PCTP: variants seen among roughly 807,000 people sequenced by gnomAD.
PCTP encodes the protein phosphatidylcholine transfer protein, also known as START domain-containing protein 2.
A neutral mutation model predicts 31.0 loss-of-function variants in PCTP; 27 were observed. The observed-to-expected ratio is 0.87, with a 90% CI of 0.64 to 1.20. The LOEUF is 1.20. Ranked by LOEUF, PCTP falls within the 50% of genes most tolerant of loss-of-function variation. The pLI, the probability that PCTP is intolerant of heterozygous loss-of-function variation, is 0.00. For missense variants in PCTP, 287 were observed against 268.2 expected, an observed-to-expected ratio of 1.07 and a Z score of -0.49; for synonymous variants, 108 against 101.2, an observed-to-expected ratio of 1.07 and a Z score of -0.40.
downstream of PCTP, among the ~76,000 whole-genome samples, chr17:55,845,053 C>CT: frequency 7.3e-6 from 1 of 136,244 alleles, no homozygotes; most frequent in Non-Finnish European, 1.5e-5. Flanking sequence ...CGCCATTGCA[C>CT]TCCAGCCTGG....
intron 3 of PCTP, among the ~76,000 whole-genome samples, chr17:55,809,976 G>C (rs1447862502): frequency 2.6e-5 from 4 of 152,116 alleles, no homozygotes; most frequent in Non-Finnish European, 5.9e-5. Context: ...TTACCTTCTA[G>C]TTGGTAGATA....
intron 2 of PCTP, 61 bp from the exon 3 acceptor site, chr17:55,771,045 C>A: frequency 1.5e-6 from 2 of 1,305,010 alleles, no homozygotes; most frequent in Non-Finnish European, 2.2e-6. Flanking sequence ...AGAGGTCATA[C>A]CCTTATTAGT....
chr17:55,821,080 A>G (rs1431000558), intron 3 of PCTP, among the ~76,000 whole-genome samples: 3 of 152,244 alleles, frequency 2.0e-5, no homozygotes, highest in African/African-American at 7.2e-5. Context: ...AGGTCAACAC[A>G]CAAACTTGTA....
intron 5 of PCTP, among the ~76,000 whole-genome samples, chr17:55,839,647 G>A (rs1015535225): frequency 4.2e-4 from 64 of 152,222 alleles, no homozygotes; most frequent in African/African-American, 1.5e-3. Context: ...CTGGCCGGGC[G>A]CGGTGGCTCA....
chr17:55,810,870 A>G (rs1277818890), intron 3 of PCTP, among the ~76,000 whole-genome samples: 1 of 152,220 alleles, frequency 6.6e-6, no homozygotes, highest in Non-Finnish European at 1.5e-5. Context: ...GACCAGGAGA[A>G]TAAAAGCAAG....
At chr17:55,754,131 C>T (rs958712552) in intron 1 of PCTP, among the ~76,000 whole-genome samples, 6 of 152,198 alleles carry the variant, frequency 3.9e-5, no homozygotes, top group Non-Finnish European at 8.8e-5. Context: ...AGGTGTCCTC[C>T]TGTTCAGTGT....
intron 3 of PCTP, among the ~76,000 whole-genome samples, chr17:55,788,892 T>C (rs1283367238): frequency 6.6e-6 from 1 of 152,172 alleles, no homozygotes; most frequent in Admixed American, 6.5e-5. Flanking sequence ...TTTATGAACT[T>C]CAGGATACCC....
At chr17:55,792,883 C>G (rs1301542510) in intron 3 of PCTP, among the ~76,000 whole-genome samples, 1 of 152,086 alleles carries the variant, frequency 6.6e-6, no homozygotes, top group Non-Finnish European at 1.5e-5. Context: ...CATACATTCC[C>G]TCTCTGACTC....
chr17:55,772,050 AT>A (rs528449075), intron 3 of PCTP, among the ~76,000 whole-genome samples: 26 of 152,316 alleles, frequency 1.7e-4, no homozygotes, highest in Middle Eastern at 3.4e-3. Context: ...TAATCACTAT[AT>A]CAAGATAATT....
rs1044766533 is a variant in PCTP at position 55,775,193 on chromosome 17, C to T, written c.579+334C>T. The T allele has an allele frequency of 8.8e-6, 11 of 1,256,028 alleles. No individual in the cohort carries two copies. In the African/African-American group the frequency reaches 1.5e-4, roughly 17 times the overall value. The allele number at this position is 1,256,028 out of a possible 1,614,324, so 77.8% of individuals were successfully genotyped here. ...TGCCTTTGGAGCCTATATTCCTCTG[C>T]TTACTGGGGAATAAGACAGACTGAC... On this transcript the variant is annotated intron_variant, in intron 5 of 5. Coordinates refer to ENST00000268896, the MANE Select transcript of PCTP (RefSeq NM_021213.4).
At chr17:55,793,081 C>T (rs951629101) in intron 3 of PCTP, among the ~76,000 whole-genome samples, 3 of 152,124 alleles carry the variant, frequency 2.0e-5, no homozygotes, top group Non-Finnish European at 4.4e-5. Flanking sequence ...TGTCCTGTGT[C>T]CCAACTCTCT....
At chr17:55,786,662 T>C (rs1338348410) in intron 2 of PCTP, among the ~76,000 whole-genome samples, 1 of 152,236 alleles carries the variant, frequency 6.6e-6, no homozygotes, top group Non-Finnish European at 1.5e-5. Flanking sequence ...TCTTTGGGTG[T>C]AAGTTCTATT....
downstream of PCTP, among the ~76,000 whole-genome samples, chr17:55,827,568 C>T (rs1905442125): frequency 6.6e-6 from 1 of 152,234 alleles, no homozygotes; most frequent in African/African-American, 2.4e-5. Flanking sequence ...AGACCTACTG[C>T]TCATAACCCA....
intron 1 of PCTP, chr17:55,751,581 C>G (rs954743463): frequency 3.1e-5 from 37 of 1,193,698 alleles, no homozygotes; most frequent in Non-Finnish European, 3.9e-5. Context: ...TTGATCCTCA[C>G]TCTCCAATGC....
chr17:55,847,229 A>C (rs1450643687), downstream of PCTP, among the ~76,000 whole-genome samples: 1 of 152,220 alleles, frequency 6.6e-6, no homozygotes, highest in Non-Finnish European at 1.5e-5. Flanking sequence ...TCTCTCTGTT[A>C]AATACTTCCA....
At chr17:55,833,482 G>A (rs111518196) in intron 5 of PCTP, among the ~76,000 whole-genome samples, 250 of 152,314 alleles carry the variant, frequency 1.6e-3, no homozygotes, top group African/African-American at 5.8e-3. Flanking sequence ...ACAAAGAAAA[G>A]TTTGTAAGTG....
intron 1 of PCTP, among the ~76,000 whole-genome samples, chr17:55,758,667 C>T (rs1910175252): frequency 6.6e-6 from 1 of 152,128 alleles, no homozygotes; most frequent in African/African-American, 2.4e-5. Context: ...TCCAGGACAC[C>T]CGTCTGTGGC....
downstream of PCTP, among the ~76,000 whole-genome samples, chr17:55,782,038 T>C (rs148592810): frequency 1.3e-5 from 2 of 152,290 alleles, no homozygotes; most frequent in Non-Finnish European, 2.9e-5. Context: ...GACCTCATGA[T>C]ATAGTTCCAG....
chr17:55,791,677 A>G (rs919293128), intron 3 of PCTP, among the ~76,000 whole-genome samples: 4 of 151,936 alleles, frequency 2.6e-5, no homozygotes, highest in African/African-American at 9.7e-5. Flanking sequence ...AGAGGATGTG[A>G]AGAAATAGGA....
Sources: allele counts gnomAD v4.1 joint callset (sites outside exome capture counted in the v4.1 genomes callset), GRCh38; gene constraint gnomAD v4.1.1; transcripts MANE v1.5; gene names NCBI Gene and HGNC (gene_info 2026-07-23, HGNC 2026-07-21).